Variants in SPTBN4 observed in about 807,000 individuals in gnomAD.
SPTBN4 encodes the protein spectrin beta, non-erythrocytic 4, also known as spectrin beta chain, non-erythrocytic 4.
In SPTBN4, 96 loss-of-function variants were observed where a neutral mutation model predicts 277.8. The ratio of observed to expected loss-of-function variants is 0.35; its 90% CI spans 0.29 to 0.41. The LOEUF (loss-of-function observed/expected upper bound fraction) is 0.41. Among genes scored for constraint, SPTBN4 ranks in the 10% least tolerant of loss-of-function variants. The pLI is 1.00. For synonymous variants in SPTBN4, 1,481 were observed against 1,580.3 expected (o/e 0.94, Z 1.49); for missense variants, 3,006 against 3,595.7 (o/e 0.84, Z 4.19).
Position 40,487,677 on chromosome 19 carries a change from C to G in SPTBN4, c.170-20C>G, listed in dbSNP as rs2080087987. 2 of 1,601,760 alleles carry G rather than the reference C, an allele frequency of 1.2e-6. No individual in the cohort carries two copies. The highest frequency in any genetic ancestry group is 8.5e-7 in the Non-Finnish European group (1 of 1,174,168). On this transcript the variant is annotated intron_variant, in intron 2 of 35. Coordinates refer to ENST00000598249, the MANE Select transcript of SPTBN4 (RefSeq NM_020971.3). ...GTGAAGGTGGAAGCGCCTGGGGGCT[C>G]ATCAGGGCCTCTCCTCCAGATGAGC...
At position 40,515,094 on chromosome 19, in the gene SPTBN4, G is replaced by T. The variant is rs557233322; in HGVS notation, c.2766-217G>T. The stretch of plus-strand genomic sequence containing the variant: ...CACTCCAGCCTGGGTGACAGAGCGA[G>T]ACTCTGTCTCAATACATACATACAT... On this transcript the variant is annotated intron_variant, in intron 14 of 35. Coordinates refer to ENST00000598249, the MANE Select transcript of SPTBN4 (RefSeq NM_020971.3). The surrounding 1 kb of genome is among the most constrained non-coding windows in gnomAD (Gnocchi z 4.1). Among the ~76,000 whole-genome samples, 22 of 152,118 alleles carry T rather than the reference G, an allele frequency of 1.4e-4. 1 individual carries two copies. In the South Asian group the frequency reaches 4.1e-3, roughly 29 times the overall value.
Position 40,566,303 on chromosome 19 carries a change from C to T in SPTBN4, c.6280C>T (p.Arg2094Cys), listed in dbSNP as rs2081091614. 1.0e-5 allele frequency: 16 copies of T among 1,594,204 alleles called. No homozygotes were observed. Among genetic ancestry groups the T allele is most frequent in the Non-Finnish European group, 1.2e-5 (14 of 1,170,402 alleles). ...GCTTATCCGGCGACATGAGGCCTTC[C>T]GCAAAGCGGCTGCAGCCTGGGAAGA... is the stretch of plus-strand genomic sequence containing the variant. ...EQLIRRHEAF[R>C]KAAAAWEERF... The change falls in exon 30 of 36, where the codon CGC becomes TGC. Residue 2094 changes from arginine to cysteine, a missense_variant. Physicochemically the swap from Arg to Cys is radical, Grantham distance 180. Coordinates refer to ENST00000598249, the MANE Select transcript of SPTBN4 (RefSeq NM_020971.3).
At chr19:40,529,833 C>T (rs1464599949) in intron 18 of SPTBN4, among the ~76,000 whole-genome samples, 2 of 152,142 alleles carry the variant, frequency 1.3e-5, no homozygotes, top group African/African-American at 2.4e-5. Context: ...TCATCCCCTC[C>T]TCCATCATCA....
rs2242131 is a variant in SPTBN4 at position 40,554,710 on chromosome 19, A to G, written c.5084+64A>G. 0.16 allele frequency: 242,343 copies of G among 1,561,264 alleles called. 19,355 individuals carry two copies. Among genetic ancestry groups the G allele is most frequent in the Non-Finnish European group, 0.16 (189,396 of 1,153,816 alleles). The stretch of plus-strand genomic sequence containing the variant: ...CAGGACCTGAAGCTTCGCTGTTGGG[A>G]GTTGGCGCAGCGCTGGAATTGGACG... On this transcript the variant is annotated intron_variant, in intron 24 of 35. Transcript: ENST00000598249. This position sits in a 1 kb window ranked among gnomAD's most constrained non-coding sequence, Gnocchi z 5.7.
At chr19:40,512,500 A>G in intron 13 of SPTBN4, 106 bp from the exon 14 acceptor site, 1 of 1,354,148 alleles carries the variant, frequency 7.4e-7, no homozygotes, top group Non-Finnish European at 9.6e-7. Context: ...GTGACCCGGC[A>G]TCTGATGAAG....
chr19:40,468,551 A>AT (rs1453067860), intron 1 of SPTBN4, among the ~76,000 whole-genome samples: 4 of 151,766 alleles, frequency 2.6e-5, no homozygotes, highest in Non-Finnish European at 2.9e-5. Context: ...TAATTTTTGT[A>AT]TTTTTTTTAG....
At chr19:40,550,699 G>A (rs561226395) in intron 22 of SPTBN4, among the ~76,000 whole-genome samples, 5 of 143,900 alleles carry the variant, frequency 3.5e-5, no homozygotes, top group East Asian at 2.0e-4. Context: ...GATGGACGGC[G>A]GGGGGTGGGG....
chr19:40,565,276 G>GAA, intron 27 of SPTBN4, 147 bp from the exon 28 acceptor site: 2 of 707,978 alleles, frequency 2.8e-6, no homozygotes, highest in Non-Finnish European at 4.3e-6. Context: ...AAAAAAAAAA[G>GAA]AAAAGAAAAG....
rs1794215950 is a variant in SPTBN4, at chr19:40,554,599, G to A, written c.5037G>A (p.Gln1679=). 2 of 1,560,772 alleles carry A rather than the reference G, an allele frequency of 1.3e-6. No homozygotes were observed. Among genetic ancestry groups the A allele is most frequent in the African/African-American group, 1.4e-5 (1 of 73,366 alleles). ...GVENYEESIA[Q]LSRQCRALLE... ...AGAACTACGAGGAAAGCATCGCGCA[G>A]CTGTCGCGCCAGTGCCGGGCGCTGC... Residue 1679 remains glutamine, a synonymous_variant, in exon 24 of 36, where the codon CAG becomes CAA. Coordinates refer to ENST00000598249, the MANE Select transcript of SPTBN4 (RefSeq NM_020971.3). The surrounding 1 kb of genome is among the most constrained non-coding windows in gnomAD (Gnocchi z 5.7).
chr19:40,566,489 T>G, intron 30 of SPTBN4, 130 bp downstream of exon 30: 1 of 813,950 alleles, frequency 1.2e-6, no homozygotes, highest in Non-Finnish European at 1.7e-6. Context: ...AGACAGACTC[T>G]TGCTAGGCTC....
At chr19:40,529,203 T>TG (rs1488842748) in intron 18 of SPTBN4, 72 bp downstream of exon 18, 8 of 1,070,526 alleles carry the variant, frequency 7.5e-6, no homozygotes, top group South Asian at 1.3e-5. Context: ...TCGGCCGAGG[T>TG]GGGGGTGGGG....
At chr19:40,548,747 A>G (rs1815311563) in intron 20 of SPTBN4, among the ~76,000 whole-genome samples, 1 of 151,480 alleles carries the variant, frequency 6.6e-6, no homozygotes, top group African/African-American at 2.4e-5. Flanking sequence ...AAAAATTATT[A>G]CTATATTTGA....
At chr19:40,566,987 CAAA>C (rs201200184) in intron 30 of SPTBN4, 1 of 243,796 alleles carries the variant, frequency 4.1e-6, no homozygotes. Flanking sequence ...AAAAAAACAA[CAAA>C]AAAAAACCGC....
chr19:40,519,370 C>T lies in SPTBN4; in HGVS notation c.2904-31C>T. On this transcript the variant is annotated intron_variant, in intron 15 of 35. Transcript: ENST00000598249. This position sits in a 1 kb window ranked among gnomAD's most constrained non-coding sequence, Gnocchi z 5.7. ...TCCGCGCCCAAGAGGAGTCCCTGTC[C>T]TCCTCAAGTCACTCTCTTTCCCCTG... The T allele has an allele frequency of 6.8e-7, 1 of 1,481,156 alleles. No homozygotes were observed. The highest frequency in any genetic ancestry group is 9.0e-7 in the Non-Finnish European group (1 of 1,117,252). The allele number at this position is 1,481,156 out of a possible 1,614,324, so 91.8% of individuals were successfully genotyped here.
intron 4 of SPTBN4, among the ~76,000 whole-genome samples, chr19:40,491,745 G>A (rs1434163652): frequency 6.2e-5 from 8 of 129,198 alleles, no homozygotes; most frequent in East Asian, 2.1e-4. Flanking sequence ...AAAAGTGACC[G>A]GGCTTGGTGG....
intron 20 of SPTBN4, among the ~76,000 whole-genome samples, chr19:40,536,307 A>G (rs1159027424): frequency 1.3e-5 from 2 of 151,808 alleles, no homozygotes; most frequent in African/African-American, 2.4e-5. Flanking sequence ...TCTACCTCCC[A>G]GGTTCAAGCA....
chr19:40,571,381 C>T (rs1184166596), intron 33 of SPTBN4, among the ~76,000 whole-genome samples: 2 of 152,156 alleles, frequency 1.3e-5, no homozygotes, highest in African/African-American at 4.8e-5. Flanking sequence ...TTGGGGAGTC[C>T]AGCTCCTGCT....
chr19:40,545,613 A>G (rs2080850544), intron 20 of SPTBN4, among the ~76,000 whole-genome samples: 1 of 152,126 alleles, frequency 6.6e-6, no homozygotes, highest in Non-Finnish European at 1.5e-5. Flanking sequence ...TAATGTGTAG[A>G]AAAGAATGCC....
intron 1 of SPTBN4, among the ~76,000 whole-genome samples, chr19:40,467,631 G>A (rs1377621613): frequency 1.3e-5 from 2 of 151,892 alleles, no homozygotes; most frequent in African/African-American, 2.4e-5. Flanking sequence ...TGCGGGGGGG[G>A]GGGGGTGTTG....
Sources: allele counts gnomAD v4.1 joint callset (sites outside exome capture counted in the v4.1 genomes callset), GRCh38; gene constraint gnomAD v4.1.1; non-coding constraint Gnocchi (gnomAD v3.1); transcripts MANE v1.5; gene names NCBI Gene and HGNC (gene_info 2026-07-23, HGNC 2026-07-21).